USP32: variants seen among roughly 807,000 people sequenced by gnomAD.
USP32 encodes ubiquitin specific peptidase 32.
USP32 carries 59 observed loss-of-function variants against 204.8 expected under a neutral mutation model. The observed-to-expected ratio is 0.29, with a 90% CI of 0.23 to 0.36. USP32 has a LOEUF of 0.36. Among genes scored for constraint, USP32 ranks in the 10% least tolerant of loss-of-function variants. The pLI is 1.00. For missense variants in USP32, 1,160 were observed against 1,946.4 expected (o/e 0.60, Z 7.60); for synonymous variants, 517 against 678.4 (o/e 0.76, Z 3.70).
intron 3 of USP32, among the ~76,000 whole-genome samples, chr17:60,298,839 G>A (rs191626870): frequency 4.7e-4 from 72 of 152,304 alleles, no homozygotes; most frequent in Middle Eastern, 6.8e-3. Context: ...ATACAAATGT[G>A]TAACTAAGTA....
At chr17:60,191,391 G>T (rs1287995740) in intron 28 of USP32, among the ~76,000 whole-genome samples, 1 of 102,224 alleles carries the variant, frequency 9.8e-6, no homozygotes. Flanking sequence ...GACAGAGTGA[G>T]ACTCTGTTTA....
chr17:60,182,588 C>A (rs1339901924), intron 31 of USP32, among the ~76,000 whole-genome samples: 1 of 152,046 alleles, frequency 6.6e-6, no homozygotes, highest in African/African-American at 2.4e-5. Flanking sequence ...TATGGCAAAG[C>A]ACCATCTCTA....
At chr17:60,200,262 G>A (rs1272472742) in intron 26 of USP32, among the ~76,000 whole-genome samples, 2 of 151,778 alleles carry the variant, frequency 1.3e-5, no homozygotes, top group Admixed American at 1.3e-4. Context: ...AAAATCAGAG[G>A]TAAAAGGGTA....
At chr17:60,388,507 T>C (rs1287078497) in intron 1 of USP32, among the ~76,000 whole-genome samples, 1 of 152,182 alleles carries the variant, frequency 6.6e-6, no homozygotes, top group Non-Finnish European at 1.5e-5. Flanking sequence ...AAACACGTTT[T>C]TAAGAATACA....
In USP32 at chr17:60,419,848, AT is replaced by A. The variant is rs1189506486; in HGVS notation, c.106+2397del. 6.4e-3 allele frequency among the ~76,000 whole-genome samples: 835 copies of A among 130,794 alleles called. 11 individuals carry two copies. Among genetic ancestry groups the A allele is most frequent in the African/African-American group, 0.026 (774 of 30,020 alleles). The allele number at this position is 130,794 out of a possible 152,430, so 85.8% of individuals were successfully genotyped here. A position where few individuals can be genotyped will look rare whatever the true frequency, so the allele number is the denominator to read the frequency against. ...TATTATTATTATTATTATTATTATT[AT>A]TATTATTATTATTTTATTATTATTA... On this transcript the variant is annotated intron_variant, in intron 1 of 3. Coordinates refer to the USP32 transcript ENST00000588898.
chr17:60,301,487 G>T, intron 3 of USP32, 112 bp downstream of exon 3: 1 of 615,268 alleles, frequency 1.6e-6, no homozygotes, highest in Non-Finnish European at 2.7e-6. Flanking sequence ...TTTACCACTT[G>T]TATATCTTCT....
chr17:60,313,304 T>G, intron 2 of USP32, among the ~76,000 whole-genome samples: 1 of 152,058 alleles, frequency 6.6e-6, no homozygotes, highest in East Asian at 1.9e-4. Flanking sequence ...CCTATATGTG[T>G]GTGTTTTGAA....
intron 2 of USP32, among the ~76,000 whole-genome samples, chr17:60,317,013 T>G (rs2145930623): frequency 6.6e-6 from 1 of 152,236 alleles, no homozygotes; most frequent in Middle Eastern, 3.4e-3. Context: ...GAAAGTAGAC[T>G]GGAGGTTATC....
At chr17:60,306,497 G>T (rs548681088) in intron 2 of USP32, among the ~76,000 whole-genome samples, 1 of 152,174 alleles carries the variant, frequency 6.6e-6, no homozygotes, top group East Asian at 1.9e-4. Context: ...AATTAGCTGG[G>T]CGTTGTGGTG....
intron 1 of USP32, among the ~76,000 whole-genome samples, chr17:60,372,363 A>T (rs1423113346): frequency 6.6e-6 from 1 of 152,200 alleles, no homozygotes; most frequent in Non-Finnish European, 1.5e-5. Context: ...GTGCTTACAC[A>T]AACTTAGATG....
At chr17:60,367,021 G>A (rs192559370) in intron 1 of USP32, among the ~76,000 whole-genome samples, 98 of 152,184 alleles carry the variant, frequency 6.4e-4, no homozygotes, top group African/African-American at 2.2e-3. Context: ...TAGAGACGGG[G>A]TTTCACCGTG....
At chr17:60,252,945 G>A (rs1598146144) in intron 10 of USP32, among the ~76,000 whole-genome samples, 2 of 152,062 alleles carry the variant, frequency 1.3e-5, no homozygotes, top group East Asian at 3.9e-4. Context: ...TATATTAATT[G>A]TACATATGAG....
At chr17:60,303,672 C>G (rs1388224747) in intron 2 of USP32, among the ~76,000 whole-genome samples, 1 of 152,128 alleles carries the variant, frequency 6.6e-6, no homozygotes, top group African/African-American at 2.4e-5. Flanking sequence ...CTACTTGGCT[C>G]AGTCTCTTCT....
intron 2 of USP32, among the ~76,000 whole-genome samples, chr17:60,328,834 G>A (rs2088307323): frequency 6.6e-6 from 1 of 152,190 alleles, no homozygotes; most frequent in Non-Finnish European, 1.5e-5. Flanking sequence ...GGAAGGCAAC[G>A]CCCATGCCAG....
rs1388976692 is a variant in USP32 at position 60,383,226 on chromosome 17, A to G, written c.58+8656T>C. Among the ~76,000 whole-genome samples the G allele has an allele frequency of 2.8e-5, 4 of 143,076 alleles. No individual in the cohort carries two copies. The East Asian group carries it at 7.8e-4, about 28-fold the overall frequency. The allele number at this position is 143,076 out of a possible 152,430, so 93.9% of individuals were successfully genotyped here. ...CGCACTCCAGCCTGGGAAGCGACAG[A>G]CATCGTCCCAAAAAAAAAAAAAAAA... is the stretch of plus-strand genomic sequence containing the variant. On this transcript the variant is annotated intron_variant, in intron 1 of 33. Transcript: ENST00000300896.
chr17:60,320,377 A>G lies in USP32; in HGVS notation c.187-18673T>C, dbSNP rs551186888. On this transcript the variant is annotated intron_variant, in intron 2 of 33. Transcript: ENST00000300896. The stretch of plus-strand genomic sequence containing the variant: ...ATAAAAACAAGTAAGATAAATTACT[A>G]TATCTACCCAATTATTACTGTTCAG... Among the ~76,000 whole-genome samples, 14 of 152,350 alleles carry G rather than the reference A, an allele frequency of 9.2e-5. No individual in the cohort carries two copies. The South Asian group carries it at 2.3e-3, about 25-fold the overall frequency.
At chr17:60,217,550 C>T (rs1384914107) in intron 16 of USP32, among the ~76,000 whole-genome samples, 2 of 152,016 alleles carry the variant, frequency 1.3e-5, no homozygotes, top group Non-Finnish European at 2.9e-5. Context: ...CAGCCTCGGC[C>T]TCCCAAAGTG....
At chr17:60,286,713 A>C (rs2087122498) in intron 5 of USP32, among the ~76,000 whole-genome samples, 1 of 152,246 alleles carries the variant, frequency 6.6e-6, no homozygotes, top group Admixed American at 6.5e-5. Context: ...TAGCAACTAA[A>C]GATAACATCT....
intron 11 of USP32, among the ~76,000 whole-genome samples, chr17:60,244,670 C>T (rs1007865940): frequency 7.2e-5 from 11 of 152,286 alleles, no homozygotes; most frequent in East Asian, 5.8e-4. Context: ...CTTGCTCTGT[C>T]GCCCAGGCTG....
Sources: allele counts gnomAD v4.1 joint callset (sites outside exome capture counted in the v4.1 genomes callset), GRCh38; gene constraint gnomAD v4.1.1; transcripts MANE v1.5; gene names NCBI Gene and HGNC (gene_info 2026-07-23, HGNC 2026-07-21).